Variants in MGAT4C observed in about 807,000 individuals in gnomAD.
MGAT4C encodes MGAT4 family member C.
Under a neutral mutation model 40.1 loss-of-function variants are expected in MGAT4C, and 19 were observed. That is an observed-to-expected ratio of 0.47 (90% CI 0.33 to 0.70). The LOEUF (loss-of-function observed/expected upper bound fraction) is 0.70. Among genes scored for constraint, MGAT4C ranks in the 30% least tolerant of loss-of-function variants. The probability of loss-of-function intolerance (pLI) is 0.02; values close to 1 mark genes in which losing one functional copy is unlikely to be tolerated. For synonymous variants in MGAT4C, 181 were observed against 187.1 expected (o/e 0.97, Z 0.27); for missense variants, 491 against 563.2 (o/e 0.87, Z 1.30).
chr12:86,328,328 C>A (rs1207004538), intron 4 of MGAT4C, among the ~76,000 whole-genome samples: 1 of 151,930 alleles, frequency 6.6e-6, no homozygotes, highest in East Asian at 1.9e-4. Context: ...AAGTCCCAGC[C>A]AGTGAAATAG....
At chr12:86,126,876 G>A (rs1880362837) in intron 1 of MGAT4C, among the ~76,000 whole-genome samples, 1 of 152,190 alleles carries the variant, frequency 6.6e-6, no homozygotes, top group African/African-American at 2.4e-5. Flanking sequence ...TCAATGGACG[G>A]ATAGGGGTGG....
chr12:86,719,216 C>T (rs1950699238), intron 2 of MGAT4C, among the ~76,000 whole-genome samples: 2 of 152,118 alleles, frequency 1.3e-5, no homozygotes, highest in Admixed American at 6.6e-5. Flanking sequence ...ACACTCACTC[C>T]CTCTCAAGAC....
rs1375056984 is a variant in MGAT4C, at chr12:86,616,226, T to C, written c.-229+110983A>G. ...TTACAAGCTTTACAATTTCTACATG[T>C]AGTTATAAAACCCCTGCTGTACTTG... On this transcript the variant is annotated intron_variant, in intron 2 of 7. Transcript: ENST00000548651. 2.0e-5 allele frequency among the ~76,000 whole-genome samples: 3 copies of C among 152,190 alleles called. No homozygotes were observed. In the East Asian group the frequency reaches 5.8e-4, roughly 29 times the overall value.
chr12:86,655,610 C>T (rs1158837669), intron 2 of MGAT4C, among the ~76,000 whole-genome samples: 2 of 152,040 alleles, frequency 1.3e-5, no homozygotes, highest in Non-Finnish European at 2.9e-5. Flanking sequence ...GTCTATTATT[C>T]CTCAAGCATG....
At chr12:86,109,308 C>G (rs1024946892) in intron 1 of MGAT4C, among the ~76,000 whole-genome samples, 1 of 151,920 alleles carries the variant, frequency 6.6e-6, no homozygotes, top group East Asian at 1.9e-4. Context: ...TGATATATAG[C>G]GTGGTATTGT....
At chr12:86,536,918 T>A (rs577858583) in intron 2 of MGAT4C, among the ~76,000 whole-genome samples, 6 of 152,162 alleles carry the variant, frequency 3.9e-5, no homozygotes, top group Non-Finnish European at 8.8e-5. Context: ...CACATGCACA[T>A]ATATGTTTAT....
intron 1 of MGAT4C, among the ~76,000 whole-genome samples, chr12:86,227,930 G>T (rs973907989): frequency 1.3e-5 from 2 of 151,832 alleles, no homozygotes; most frequent in Non-Finnish European, 3.0e-5. Flanking sequence ...AGAGTTTCCT[G>T]TTCCAAGTTT....
intron 1 of MGAT4C, among the ~76,000 whole-genome samples, chr12:86,128,079 C>A (rs73387111): frequency 3.3e-5 from 5 of 152,132 alleles, no homozygotes; most frequent in Admixed American, 6.6e-5. Flanking sequence ...ACAGGCAGTG[C>A]AATATATTTG....
rs1202352545 is a variant in MGAT4C, at chr12:86,486,705, G to A, written c.-228-51440C>T. On this transcript the variant is annotated intron_variant, in intron 2 of 7. Transcript: ENST00000548651. ...ACTAACAAAAAAATTCTGGACTTAA[G>A]CTGAACACTCACAAAAGTGGACCTA... 2.6e-5 allele frequency among the ~76,000 whole-genome samples: 4 copies of A among 152,122 alleles called. No homozygotes were observed. The East Asian group carries it at 7.7e-4, about 29-fold the overall frequency.
At chr12:86,462,129 T>G (rs1006623368) in intron 2 of MGAT4C, among the ~76,000 whole-genome samples, 3 of 152,238 alleles carry the variant, frequency 2.0e-5, no homozygotes, top group Non-Finnish European at 4.4e-5. Flanking sequence ...TGATATTGCA[T>G]GCATTCCTTG....
chr12:86,689,699 G>A (rs1436918645), intron 2 of MGAT4C, among the ~76,000 whole-genome samples: 1 of 152,126 alleles, frequency 6.6e-6, no homozygotes, highest in African/African-American at 2.4e-5. Flanking sequence ...TTGTCCCAGA[G>A]GGGCACCCGC....
intron 2 of MGAT4C, among the ~76,000 whole-genome samples, chr12:86,712,453 G>A (rs952455164): frequency 5.9e-5 from 9 of 152,086 alleles, no homozygotes; most frequent in African/African-American, 2.2e-4. Context: ...CTCAAAAAAC[G>A]TGGGGAAAGA....
At chr12:86,146,461 T>C (rs1407015045) in intron 1 of MGAT4C, among the ~76,000 whole-genome samples, 1 of 152,138 alleles carries the variant, frequency 6.6e-6, no homozygotes, top group Non-Finnish European at 1.5e-5. Context: ...TTCCATTCAC[T>C]CCCCTGGACT....
rs79302182 is a variant in MGAT4C, at chr12:86,664,831, A to G, written c.-229+62378T>C. Among the ~76,000 whole-genome samples, 697 of 152,276 alleles carry G rather than the reference A, an allele frequency of 4.6e-3. 17 individuals carry two copies. In the East Asian group the frequency reaches 0.067, roughly 15 times the overall value. The stretch of plus-strand genomic sequence containing the variant: ...GGTTTCTGCTTTGACATTTTAGTTA[A>G]CTGTAAATGCCAACATTAATATAAA... On this transcript the variant is annotated intron_variant, in intron 2 of 7. Transcript: ENST00000548651.
chr12:86,158,004 T>C (rs1309375609), intron 1 of MGAT4C, among the ~76,000 whole-genome samples: 1 of 152,182 alleles, frequency 6.6e-6, no homozygotes, highest in Non-Finnish European at 1.5e-5. Flanking sequence ...GCAGCAATGA[T>C]TGAAAGTGAT....
intron 3 of MGAT4C, among the ~76,000 whole-genome samples, chr12:86,367,540 C>T (rs966731945): frequency 7.2e-5 from 11 of 152,308 alleles, no homozygotes; most frequent in Non-Finnish European, 1.2e-4. Context: ...TGGCTCACAC[C>T]GGTAATCCCA....
intron 1 of MGAT4C, among the ~76,000 whole-genome samples, chr12:86,179,021 T>G (rs1887802539): frequency 6.6e-6 from 1 of 152,210 alleles, no homozygotes; most frequent in Non-Finnish European, 1.5e-5. Flanking sequence ...TGAATATGGT[T>G]TGGCTGTGTC....
intron 1 of MGAT4C, among the ~76,000 whole-genome samples, chr12:86,152,941 T>C (rs61932274): frequency 0.078 from 11,950 of 152,264 alleles, 651 homozygotes; most frequent in Middle Eastern, 0.22. Context: ...ATCTGTGCTT[T>C]AATAATGCTT....
At position 85,979,835 on chromosome 12, in the gene MGAT4C, A is replaced by G. The variant is rs138500929; in HGVS notation, c.891T>C (p.Ala297=). 1.9e-6 allele frequency: 3 copies of G among 1,613,672 alleles called. No homozygotes were observed. Among genetic ancestry groups the G allele is most frequent in the Middle Eastern group, 1.6e-4 (1 of 6,084 alleles). The change falls in exon 5 of 5, where the codon GCT becomes GCC. Residue 297 remains alanine, a synonymous_variant. Transcript: ENST00000611864. ...GTTTAAAACGGATCACATTTTTCTGAGCCAACAGACCACGGAAATGAGTCA... is the reference window on the plus strand; with the variant it reads ...GTTTAAAACGGATCACATTTTTCTGGGCCAACAGACCACGGAAATGAGTCA... ...WLLTHFRGLL[A]QKNVIRFKPS...
Sources: gnomAD v4.1 joint callset for allele counts (sites outside exome capture counted in the v4.1 genomes callset) on GRCh38, gnomAD v4.1.1 for gene constraint, MANE v1.5 for transcripts, NCBI Gene and HGNC (gene_info 2026-07-23, HGNC 2026-07-21) for gene names.